Variants in PADI6 observed in about 807,000 individuals in gnomAD.
PADI6 encodes the protein peptidyl arginine deiminase 6, also known as inactive protein-arginine deiminase type-6.
PADI6 carries 66 observed loss-of-function variants against 78.2 expected under a neutral mutation model. The ratio of observed to expected loss-of-function variants is 0.84; its 90% CI spans 0.69 to 1.04. The LOEUF (loss-of-function observed/expected upper bound fraction) is 1.04, where lower values mean the gene tolerates loss of function less well. Among genes scored for constraint, PADI6 ranks in the 50% least tolerant of loss-of-function variants. The pLI is 0.00. For missense variants in PADI6, 854 were observed against 866.1 expected (o/e 0.99, Z 0.18); for synonymous variants, 397 against 346.9 (o/e 1.14, Z -1.60).
chr1:17,372,298 C>T lies in PADI6; in HGVS notation c.53C>T (p.Ser18Phe), dbSNP rs369382323. Residue 18 changes from serine to phenylalanine, a missense_variant, in exon 1 of 16, where the codon TCC (serine) becomes TTC (phenylalanine). Transcript: ENST00000619609. ...TCCTTCCAGAGTATCATCCACCTGT[C>T]CCTGGACAGCCCTGTCCATGCCGTT... ...AMSFQSIIHLSLDSPVHAVCV... is the reference protein window; with the variant it reads ...AMSFQSIIHLFLDSPVHAVCV... The T allele has an allele frequency of 2.5e-6, 4 of 1,613,852 alleles. No individual in the cohort carries two copies. The highest frequency in any genetic ancestry group is 3.3e-5 in the Admixed American group (2 of 60,000).
In PADI6 at chr1:17,401,484, A is replaced by C. The variant is rs1254927513; in HGVS notation, c.*46A>C. On this transcript the variant is annotated 3_prime_UTR_variant, in exon 16 of 16. Transcript: ENST00000619609. ...AGCTCTGCCCCAGCGTGGATGGCCCACTGTCACCATGCAACAGCATGATTC... is the reference window on the plus strand; with the variant it reads ...AGCTCTGCCCCAGCGTGGATGGCCCCCTGTCACCATGCAACAGCATGATTC... 4.7e-6 allele frequency: 7 copies of C among 1,502,732 alleles called. No individual in the cohort carries two copies. In the South Asian group the frequency reaches 6.9e-5, roughly 15 times the overall value. 93.1% of individuals were successfully genotyped at this position (1,502,732 alleles called of 1,614,324 possible).
intron 13 of PADI6, among the ~76,000 whole-genome samples, chr1:17,396,832 G>A (rs1202169569): frequency 6.6e-6 from 1 of 152,206 alleles, no homozygotes; most frequent in African/African-American, 2.4e-5. Flanking sequence ...CCTCATGCTG[G>A]GGACAGAGTG....
In PADI6 at chr1:17,379,850, G is replaced by GA. The variant is rs1468698674; in HGVS notation, c.368-69dup. On this transcript the variant is annotated intron_variant, in intron 3 of 15. Coordinates refer to ENST00000619609, the MANE Select transcript of PADI6 (RefSeq NM_207421.4). ...GCCAGCCTTGGGCAGCCCCACAGGA[G>GA]ATAACCTATAACTTTGAGGTTCCAT... 4.5e-5 allele frequency: 63 copies of GA among 1,409,138 alleles called. No individual in the cohort carries two copies. The East Asian group carries it at 1.4e-3, about 32-fold the overall frequency. 87.3% of individuals were successfully genotyped at this position (1,409,138 alleles called of 1,614,324 possible). A position where few individuals can be genotyped will look rare whatever the true frequency, so the allele number is the denominator to read the frequency against.
Position 17,394,985 on chromosome 1 carries a change from G to A in PADI6, c.1372G>A (p.Asp458Asn). Residue 458 changes from aspartate to asparagine, a missense_variant, in exon 12 of 16, where the codon GAC becomes AAC. Transcript: ENST00000619609. ...CCGGGCCATGAGTAAGACCCTCCGAGACTTCCTCTATGCCCAGCAGGTCCA... is the reference window on the plus strand; with the variant it reads ...CCGGGCCATGAGTAAGACCCTCCGAAACTTCCTCTATGCCCAGCAGGTCCA... Reference protein sequence around the residue: ...EGRAMSKTLRDFLYAQQVQAP... With the variant: ...EGRAMSKTLRNFLYAQQVQAP... The A allele has an allele frequency of 6.2e-7, 1 of 1,613,378 alleles. No homozygotes were observed. Among genetic ancestry groups the A allele is most frequent in the Non-Finnish European group, 8.5e-7 (1 of 1,179,866 alleles).
Position 17,392,235 on chromosome 1 carries a change from C to T in PADI6, c.1074+10C>T. 3 of 1,544,220 alleles carry T rather than the reference C, an allele frequency of 1.9e-6. No homozygotes were observed. The highest frequency in any genetic ancestry group is 1.4e-5 in the African/African-American group (1 of 73,072). On this transcript the variant is annotated intron_variant, in intron 9 of 15. Transcript: ENST00000619609. Reference sequence around the variant, plus strand: ...GGGCAGGTGGCTCCAGGTAACACCCCACCTGGGAACCCACCTGTCGGGGAG... The same window carrying T: ...GGGCAGGTGGCTCCAGGTAACACCCTACCTGGGAACCCACCTGTCGGGGAG...
At chr1:17,400,704 G>T (rs1463344120) in intron 15 of PADI6, among the ~76,000 whole-genome samples, 1 of 152,130 alleles carries the variant, frequency 6.6e-6, no homozygotes, top group Non-Finnish European at 1.5e-5. Context: ...AGGCATTTGA[G>T]TGCCCCAATT....
At chr1:17,374,561 G>T (rs989749790) in intron 2 of PADI6, among the ~76,000 whole-genome samples, 2 of 152,190 alleles carry the variant, frequency 1.3e-5, no homozygotes, top group African/African-American at 4.8e-5. Context: ...AGGAGGTGGA[G>T]GTTGTAGTAA....
intron 9 of PADI6, among the ~76,000 whole-genome samples, 197 bp downstream of exon 9, chr1:17,392,422 C>A (rs2075195774): frequency 6.6e-6 from 1 of 152,210 alleles, no homozygotes; most frequent in Non-Finnish European, 1.5e-5. Flanking sequence ...TAGTTAGAGT[C>A]CAGCCTCCTT....
intron 14 of PADI6, among the ~76,000 whole-genome samples, 172 bp downstream of exon 14, chr1:17,397,313 G>C (rs2075256813): frequency 6.6e-6 from 1 of 152,202 alleles, no homozygotes; most frequent in Admixed American, 6.5e-5. Flanking sequence ...GCTAGAGCTG[G>C]CCATATGCCA....
intron 6 of PADI6, among the ~76,000 whole-genome samples, chr1:17,382,531 C>T (rs764951548): frequency 1.9e-4 from 29 of 152,192 alleles, no homozygotes; most frequent in African/African-American, 5.1e-4. Flanking sequence ...GCGGCAGCCA[C>T]GGTAGCACCT....
chr1:17,397,838 C>T (rs555078903), intron 14 of PADI6, among the ~76,000 whole-genome samples: 17 of 152,266 alleles, frequency 1.1e-4, no homozygotes, highest in African/African-American at 3.4e-4. Context: ...GCCTGGGGTC[C>T]ATTTCCCGGA....
In PADI6 at chr1:17,400,208, CAAAA is replaced by C. The variant is rs34308317; in HGVS notation, c.1852-985_1852-982del. On this transcript the variant is annotated intron_variant, in intron 15 of 15. Transcript: ENST00000619609. ...CAAGACCTTGTCTGATAAACCAAAC[CAAAA>C]AAAAAAAAAAACATTCTGGGGCTGG... Among the ~76,000 whole-genome samples, 110 of 135,622 alleles carry C rather than the reference CAAAA, an allele frequency of 8.1e-4. 1 individual carries two copies. Among genetic ancestry groups the C allele is most frequent in the Non-Finnish European group, 1.4e-3 (87 of 62,108 alleles). The allele number at this position is 135,622 out of a possible 152,430, so 89.0% of individuals were successfully genotyped here.
chr1:17,387,462 G>GT (rs370134347), intron 6 of PADI6, among the ~76,000 whole-genome samples: 4 of 150,570 alleles, frequency 2.7e-5, no homozygotes, highest in Non-Finnish European at 4.4e-5. Flanking sequence ...AAAAGGAGGG[G>GT]GGGGGGCCAG....
In PADI6 at chr1:17,384,158, AAAAT is replaced by A. The variant is rs1248231563; in HGVS notation, c.679+2067_679+2070del. Among the ~76,000 whole-genome samples, 30 of 152,212 alleles carry A rather than the reference AAAAT, an allele frequency of 2.0e-4. No individual in the cohort carries two copies. In the South Asian group the frequency reaches 5.2e-3, roughly 26 times the overall value. On this transcript the variant is annotated intron_variant, in intron 6 of 15. Coordinates refer to ENST00000619609, the MANE Select transcript of PADI6 (RefSeq NM_207421.4). ...ACTCTGTCTCAAAAAAAAAAACTTA[AAAAT>A]CAGGGTAGGGCAACACAGCATGTTA...
chr1:17,396,678 A>G lies in PADI6; in HGVS notation c.1619-393A>G, dbSNP rs192968600. ...ATTGGGCATCCCTGTCCCAAAGATC[A>G]GGCAATTGAGGAACAAAGGTAATGT... On this transcript the variant is annotated intron_variant, in intron 13 of 15. Coordinates refer to ENST00000619609, the MANE Select transcript of PADI6 (RefSeq NM_207421.4). Among the ~76,000 whole-genome samples the G allele has an allele frequency of 6.2e-3, 950 of 152,326 alleles. 21 individuals carry two copies. The highest frequency in any genetic ancestry group is 0.05 in the Admixed American group (766 of 15,298).
intron 9 of PADI6, among the ~76,000 whole-genome samples, chr1:17,392,485 C>T (rs1406236045): frequency 3.9e-5 from 6 of 152,156 alleles, no homozygotes; most frequent in Non-Finnish European, 8.8e-5. Context: ...ACCCCCAGGC[C>T]CCGGAAGGCT....
rs751456682 is a variant in PADI6 at position 17,379,929 on chromosome 1, T to C, written c.377T>C (p.Leu126Pro). The C allele has an allele frequency of 1.9e-6, 3 of 1,613,442 alleles. No individual in the cohort carries two copies. Among genetic ancestry groups the C allele is most frequent in the South Asian group, 2.2e-5 (2 of 91,060 alleles). The stretch of plus-strand genomic sequence containing the variant: ...TTTTCTTCTGTTTCAGAGGTCTCTC[T>C]AGAGGTAGACATCTACCGCAATGGG... ...VLYLTGIEVS[L>P]EVDIYRNGQV... The change falls in exon 4 of 16, where the codon CTA becomes CCA. Residue 126 changes from leucine to proline, a missense_variant. Transcript: ENST00000619609.
chr1:17,377,986 A>T (rs1017530309), intron 3 of PADI6, among the ~76,000 whole-genome samples: 1 of 152,142 alleles, frequency 6.6e-6, no homozygotes, highest in African/African-American at 2.4e-5. Context: ...ACCGCTTGTG[A>T]ATCTTCCCCC....
rs377523542 is a variant in PADI6 at position 17,395,507 on chromosome 1, A to G, written c.1495-33A>G. ...TATGAGCCACCATGTCCAGCTGAGA[A>G]AGCTGGCTTCTGACCCAAGTTCTGT... On this transcript the variant is annotated intron_variant, in intron 12 of 15. Coordinates refer to ENST00000619609, the MANE Select transcript of PADI6 (RefSeq NM_207421.4). 14 of 1,545,884 alleles carry G rather than the reference A, an allele frequency of 9.1e-6. No individual in the cohort carries two copies. The South Asian group carries it at 1.4e-4, about 16-fold the overall frequency.
Sources: allele counts gnomAD v4.1 joint callset (sites outside exome capture counted in the v4.1 genomes callset), GRCh38; gene constraint gnomAD v4.1.1; transcripts MANE v1.5; gene names NCBI Gene and HGNC (gene_info 2026-07-23, HGNC 2026-07-21).